The following DDR2 variants were observed in gnomAD, a reference collection of about 807,000 sequenced individuals.
The protein encoded by DDR2 is discoidin domain receptor tyrosine kinase 2, also known as discoidin domain-containing receptor 2.
Under a neutral mutation model 94.9 loss-of-function variants are expected in DDR2, and 27 were observed. The ratio of observed to expected loss-of-function variants is 0.28; its 90% CI spans 0.21 to 0.39. DDR2 has a LOEUF of 0.39. DDR2 is among the 10% of genes least tolerant of loss of function. The pLI, the probability that DDR2 is intolerant of heterozygous loss-of-function variation, is 1.00. For missense variants in DDR2, 783 were observed against 1,076.0 expected (o/e 0.73, Z 3.81); for synonymous variants, 382 against 377.2 (o/e 1.01, Z -0.15).
intron 3 of DDR2, among the ~76,000 whole-genome samples, chr1:162,733,420 G>A (rs1446670147): frequency 6.6e-6 from 1 of 152,210 alleles, no homozygotes; most frequent in Non-Finnish European, 1.5e-5. Context: ...CAAAGATTCA[G>A]TAGGATGAGA....
intron 2 of DDR2, among the ~76,000 whole-genome samples, chr1:162,676,545 C>G (rs1659134665): frequency 6.6e-6 from 1 of 152,216 alleles, no homozygotes; most frequent in South Asian, 2.1e-4. Flanking sequence ...AGAATAGGCA[C>G]ACTTTTATAG....
At chr1:162,724,477 C>T (rs1239888000) in intron 3 of DDR2, among the ~76,000 whole-genome samples, 2 of 152,156 alleles carry the variant, frequency 1.3e-5, no homozygotes. Flanking sequence ...CAACTTACCC[C>T]CACCCAGAAA....
At chr1:162,758,631 C>G (rs1663572257) in intron 7 of DDR2, among the ~76,000 whole-genome samples, 1 of 152,136 alleles carries the variant, frequency 6.6e-6, no homozygotes, top group African/African-American at 2.4e-5. Flanking sequence ...GATCCAGGCT[C>G]TGGTCACTGT....
chr1:162,780,268 T>A lies in DDR2; in HGVS notation c.*22T>A. ...GTGATGCTGTCAGTGCCTGGCCATG[T>A]TCCTACGGCTCAGGTCCTCCCTACA... On this transcript the variant is annotated 3_prime_UTR_variant, in exon 18 of 18. Coordinates refer to ENST00000367921, the MANE Select transcript of DDR2 (RefSeq NM_006182.4). 6.2e-7 allele frequency: 1 copy of A among 1,613,664 alleles called. No individual in the cohort carries two copies. Among genetic ancestry groups the A allele is most frequent in the Middle Eastern group, 1.7e-4 (1 of 6,060 alleles).
Position 162,767,810 on chromosome 1 carries a change from G to GTGTGTGTT in DDR2, c.1293+458_1293+459insTTGTGTGT, listed in dbSNP as rs527497983. Among the ~76,000 whole-genome samples, 510 of 151,906 alleles carry GTGTGTGTT rather than the reference G, an allele frequency of 3.4e-3. 6 individuals carry two copies. Among genetic ancestry groups the GTGTGTGTT allele is most frequent in the East Asian group, 0.031 (160 of 5,156 alleles). ...TTTTCACTTTGCTTGTCTGTTTGGT[G>GTGTGTGTT]TGTGTGTGTGTGTGTGTGTGTGTAG... On this transcript the variant is annotated intron_variant, in intron 11 of 17. Coordinates refer to ENST00000367921, the MANE Select transcript of DDR2 (RefSeq NM_006182.4).
rs778825810 is a variant in DDR2 at position 162,782,681 on chromosome 1, C to A, written c.*2435C>A. 3 of 152,084 alleles carry A rather than the reference C, an allele frequency of 2.0e-5. No homozygotes were observed. Among genetic ancestry groups the A allele is most frequent in the Non-Finnish European group, 4.4e-5 (3 of 68,008 alleles). The allele number at this position is 152,084 out of a possible 1,614,324, so 9.4% of individuals were successfully genotyped here. On this transcript the variant is annotated 3_prime_UTR_variant, in exon 18 of 18. Coordinates refer to ENST00000367921, the MANE Select transcript of DDR2 (RefSeq NM_006182.4). ...TATTATATCTTCCTTTGCCTAAAAT[C>A]TCTCCACTTATTCTTTTTTATGATT...
chr1:162,767,482 C>T, intron 11 of DDR2, 123 bp downstream of exon 11: 1 of 1,403,296 alleles, frequency 7.1e-7, no homozygotes, highest in East Asian at 2.5e-5. Flanking sequence ...ACTGAGGCTA[C>T]CAAGAAACAT....
rs954747319 is a variant in DDR2 at position 162,727,402 on chromosome 1, G to A, written c.82+8257G>A. Among the ~76,000 whole-genome samples, 268 of 143,300 alleles carry A rather than the reference G, an allele frequency of 1.9e-3. 2 individuals are homozygous for A. The highest frequency in any genetic ancestry group is 3.0e-3 in the Non-Finnish European group (201 of 66,358). 94.0% of individuals were successfully genotyped at this position (143,300 alleles called of 152,430 possible). The stretch of plus-strand genomic sequence containing the variant: ...TATAGATATATCTATATTTATGTGT[G>A]TATATTTATGTAAGTATATTTATGT... On this transcript the variant is annotated intron_variant, in intron 3 of 17. Coordinates refer to ENST00000367921, the MANE Select transcript of DDR2 (RefSeq NM_006182.4).
intron 2 of DDR2, among the ~76,000 whole-genome samples, chr1:162,677,496 C>T (rs1283178878): frequency 6.6e-6 from 1 of 152,166 alleles, no homozygotes; most frequent in African/African-American, 2.4e-5. Context: ...TGCCTTTTCC[C>T]AGTGGATTTT....
chr1:162,705,976 A>T (rs927428357), intron 2 of DDR2, among the ~76,000 whole-genome samples: 2 of 152,362 alleles, frequency 1.3e-5, no homozygotes, highest in East Asian at 3.9e-4. Context: ...GGAGATAAAA[A>T]TTTCACACAT....
intron 2 of DDR2, among the ~76,000 whole-genome samples, chr1:162,683,220 A>G (rs1433339438): frequency 1.3e-5 from 2 of 152,166 alleles, no homozygotes; most frequent in African/African-American, 4.8e-5. Flanking sequence ...TACAGCTAAC[A>G]TCATACTTTG....
intron 3 of DDR2, among the ~76,000 whole-genome samples, chr1:162,721,615 A>T (rs141017661): frequency 1.4e-3 from 214 of 152,340 alleles, no homozygotes; most frequent in African/African-American, 4.6e-3. Flanking sequence ...TGTTGATTTA[A>T]GGATGACTCT....
intron 2 of DDR2, among the ~76,000 whole-genome samples, chr1:162,708,369 C>T (rs769966824): frequency 2.0e-5 from 3 of 152,164 alleles, no homozygotes; most frequent in Non-Finnish European, 2.9e-5. Flanking sequence ...GTTGATTGGG[C>T]CTGCACTAAA....
At chr1:162,741,263 GTAATA>G (rs71581465) in intron 3 of DDR2, among the ~76,000 whole-genome samples, 6,425 of 122,230 alleles carry the variant, frequency 0.053, 392 homozygotes, top group African/African-American at 0.084. Context: ...GTAATGTAAT[GTAATA>G]TAATATAATA....
chr1:162,637,612 T>C (rs1418170659), intron 1 of DDR2, among the ~76,000 whole-genome samples: 1 of 152,198 alleles, frequency 6.6e-6, no homozygotes. Context: ...TTTGTTATTA[T>C]GAAAAGAATA....
intron 2 of DDR2, among the ~76,000 whole-genome samples, chr1:162,699,921 G>C (rs1421752204): frequency 6.6e-6 from 1 of 152,150 alleles, no homozygotes; most frequent in Non-Finnish European, 1.5e-5. Flanking sequence ...CTCCTAATTA[G>C]CTTCTATTGT....
chr1:162,766,034 C>A lies in DDR2; in HGVS notation c.1133C>A (p.Pro378His). 1.2e-6 allele frequency: 2 copies of A among 1,613,876 alleles called. No individual in the cohort carries two copies. Among genetic ancestry groups the A allele is most frequent in the Non-Finnish European group, 1.7e-6 (2 of 1,179,988 alleles). ...AAMYNNSEALPTSPMAPTTYD... is the reference protein window; with the variant it reads ...AAMYNNSEALHTSPMAPTTYD... ...ATGTACAACAACTCTGAAGCCCTGC[C>A]CACCTCTCCTATGGCACCCACAACC... Residue 378 changes from proline (P) to histidine (H), a missense_variant, in exon 10 of 18, where the codon CCC (proline) becomes CAC (histidine). Physicochemically the swap from Pro to His is moderately conservative, Grantham distance 77 (BLOSUM62 -2). Coordinates refer to ENST00000367921, the MANE Select transcript of DDR2 (RefSeq NM_006182.4).
intron 2 of DDR2, among the ~76,000 whole-genome samples, chr1:162,658,705 G>A (rs1224171556): frequency 1.3e-5 from 2 of 151,390 alleles, no homozygotes; most frequent in Non-Finnish European, 2.9e-5. Flanking sequence ...GGGCCTGCCT[G>A]TCGTTCCAGC....
intron 3 of DDR2, among the ~76,000 whole-genome samples, chr1:162,736,512 T>A (rs1375701462): frequency 6.6e-6 from 1 of 152,248 alleles, no homozygotes; most frequent in Non-Finnish European, 1.5e-5. Context: ...ACCTGTAGAA[T>A]GTGTGATTAG....
Sources: allele counts gnomAD v4.1 joint callset (sites outside exome capture counted in the v4.1 genomes callset), GRCh38; gene constraint gnomAD v4.1.1; transcripts MANE v1.5; gene names NCBI Gene and HGNC (gene_info 2026-07-23, HGNC 2026-07-21).